MYH9: variants seen among roughly 807,000 people sequenced by gnomAD.
MYH9 encodes the protein myosin heavy chain 9.
In MYH9, 29 loss-of-function variants were observed where a neutral mutation model predicts 241.9. The observed-to-expected ratio is 0.12, with a 90% CI of 0.09 to 0.16. The LOEUF (loss-of-function observed/expected upper bound fraction) is 0.16, where lower values mean the gene tolerates loss of function less well. Ranked by LOEUF, MYH9 falls within the 10% of genes least tolerant of loss-of-function variation. The pLI is 1.00. For synonymous variants in MYH9, 1,047 were observed against 1,062.6 expected (o/e 0.99, Z 0.29); for missense variants, 1,803 against 2,595.5 (o/e 0.69, Z 6.63).
At chr22:36,356,580 CAAAAAA>C (rs34880972) in intron 1 of MYH9, among the ~76,000 whole-genome samples, 49 of 24,658 alleles carry the variant, frequency 2.0e-3, no homozygotes, top group African/African-American at 6.0e-3. Flanking sequence ...GACTCCATCT[CAAAAAA>C]AAAAAAAAAA....
chr22:36,319,413 G>T, intron 10 of MYH9, 127 bp downstream of exon 10: 2 of 908,050 alleles, frequency 2.2e-6, no homozygotes, highest in East Asian at 2.6e-5. Flanking sequence ...CATCTGTATA[G>T]AAAATACCGA....
At chr22:36,365,026 C>G (rs975917278) in intron 1 of MYH9, 2 of 130,740 alleles carry the variant, frequency 1.5e-5, no homozygotes, top group East Asian at 5.2e-4. Context: ...TGCATTGGAT[C>G]GGAGTATCGT....
rs8137674 is a variant in MYH9, at chr22:36,306,056, A to G, written c.2038-5T>C. 1.9e-3 allele frequency: 3,033 copies of G among 1,612,922 alleles called. 43 individuals carry two copies. The African/African-American group carries it at 0.027, about 14-fold the overall frequency. On this transcript the variant is annotated splice_polypyrimidine_tract_variant and splice_region_variant and intron_variant, in intron 16 of 40. Transcript: ENST00000216181. This position sits in a 1 kb window ranked among gnomAD's most constrained non-coding sequence, Gnocchi z 4.1. ...ATGCGGGTCCAGCTTGCCGGCCTGG[A>G]GAAGAAAACACATGCATGCGGTCTC...
chr22:36,301,483 G>T, intron 21 of MYH9, 51 bp downstream of exon 21: 1 of 1,608,622 alleles, frequency 6.2e-7, no homozygotes. Context: ...CCAGCAGGTG[G>T]CAGCACCAGG....
Position 36,306,317 on chromosome 22 carries a change from G to C in MYH9, c.2037+97C>G, listed in dbSNP as rs2016969308. On this transcript the variant is annotated intron_variant, in intron 16 of 40. Transcript: ENST00000216181. The surrounding 1 kb of genome is among the most constrained non-coding windows in gnomAD (Gnocchi z 4.1). ...AACGACTGAAGGCTCTGTGCATGCT[G>C]GGGGGCTGGAGGGGTGCTTTTGCTG... 1.3e-6 allele frequency: 2 copies of C among 1,486,940 alleles called. No homozygotes were observed. The highest frequency in any genetic ancestry group is 2.4e-5 in the East Asian group (1 of 42,398). The allele number at this position is 1,486,940 out of a possible 1,614,324, so 92.1% of individuals were successfully genotyped here.
chr22:36,351,535 C>A (rs569081510), intron 1 of MYH9, among the ~76,000 whole-genome samples: 24 of 152,140 alleles, frequency 1.6e-4, no homozygotes, highest in Non-Finnish European at 3.5e-4. Flanking sequence ...CCAGTCCATT[C>A]AAGCAAATCC....
intron 15 of MYH9, among the ~76,000 whole-genome samples, chr22:36,307,666 T>A (rs1250729406): frequency 6.6e-6 from 1 of 152,130 alleles, no homozygotes; most frequent in Non-Finnish European, 1.5e-5. Context: ...GGCGGGTGGA[T>A]CACCTGAAGT....
At chr22:36,365,616 G>A (rs1034813891) in intron 1 of MYH9, among the ~76,000 whole-genome samples, 29 of 151,930 alleles carry the variant, frequency 1.9e-4, no homozygotes, top group Admixed American at 9.8e-4. Flanking sequence ...ATGCACCACC[G>A]TACCCAGCTA....
chr22:36,287,021 C>A (rs1400922344), intron 34 of MYH9, 175 bp from the exon 35 acceptor site: 3 of 817,934 alleles, frequency 3.7e-6, no homozygotes, highest in Non-Finnish European at 2.0e-6. Flanking sequence ...TCTGTGTATC[C>A]CACCCCGTAA....
rs1170657395 is a variant in MYH9, at chr22:36,293,846, C to T, written c.3855G>A (p.Val1285=). The T allele has an allele frequency of 6.2e-7, 1 of 1,613,520 alleles. No homozygotes were observed. The highest frequency in any genetic ancestry group is 8.5e-7 in the Non-Finnish European group (1 of 1,179,854). Residue 1285 remains valine, a synonymous_variant, in exon 29 of 41, where the codon GTG becomes GTA. Coordinates refer to ENST00000216181, the MANE Select transcript of MYH9 (RefSeq NM_002473.6). This position sits in a 1 kb window ranked among gnomAD's most constrained non-coding sequence, Gnocchi z 5.1. ...VTKLQVELDN[V]TGLLSQSDSK... The stretch of plus-strand genomic sequence containing the variant: ...TGTCGGACTGGCTGAGAAGCCCGGT[C>T]ACGTTGTCCAGCTCCACCTGCACCG...
intron 7 of MYH9, among the ~76,000 whole-genome samples, chr22:36,321,412 C>G (rs536330869): frequency 6.6e-6 from 1 of 152,346 alleles, no homozygotes; most frequent in South Asian, 2.1e-4. Flanking sequence ...TTGTCTCATT[C>G]TTACAGGTAA....
At chr22:36,310,265 G>A (rs1288090914) in intron 14 of MYH9, among the ~76,000 whole-genome samples, 3 of 93,940 alleles carry the variant, frequency 3.2e-5, no homozygotes, top group Non-Finnish European at 5.5e-5. Context: ...ACAAGACTCC[G>A]TCTCAAAAAA....
chr22:36,307,788 T>TGAGGCAGGAGAATCACTTG (rs1374840692), intron 15 of MYH9, among the ~76,000 whole-genome samples: 3 of 151,422 alleles, frequency 2.0e-5, no homozygotes, highest in Non-Finnish European at 4.4e-5. Flanking sequence ...CTTGGGAGGC[T>TGAGGCAGGAGAATCACTTG]GAGGCAGGAG....
At position 36,325,399 on chromosome 22, in the gene MYH9, G is replaced by A. The variant is rs369847826; in HGVS notation, c.612+1169C>T. On this transcript the variant is annotated intron_variant, in intron 5 of 40. Transcript: ENST00000216181. ...TCCTTACTTACGAAGGCCGCACACG[G>A]CACGCCAGTAAGGTGGAGCCACCGG... is the stretch of plus-strand genomic sequence containing the variant. Among the ~76,000 whole-genome samples, 66 of 152,304 alleles carry A rather than the reference G, an allele frequency of 4.3e-4. 3 individuals are homozygous for A. The East Asian group carries it at 5.8e-3, about 13-fold the overall frequency.
At chr22:36,298,543 G>A (rs777235696) in intron 24 of MYH9, among the ~76,000 whole-genome samples, 14 of 152,200 alleles carry the variant, frequency 9.2e-5, no homozygotes, top group Non-Finnish European at 1.6e-4. Flanking sequence ...GCTGCAAGAT[G>A]AGCCAGCTAG....
rs1027535382 is a variant in MYH9 at position 36,295,013 on chromosome 22, G to A, written c.3549C>T (p.His1183=). The A allele has an allele frequency of 8.7e-6, 14 of 1,614,050 alleles. No homozygotes were observed. Among genetic ancestry groups the A allele is most frequent in the East Asian group, 4.5e-5 (2 of 44,882 alleles). Residue 1183 remains histidine (H), a synonymous_variant, in exon 27 of 41, where the codon CAC becomes CAT. Transcript: ENST00000216181. This position sits in a 1 kb window ranked among gnomAD's most constrained non-coding sequence, Gnocchi z 4.1. The part of the protein sequence containing the change: ...KKTLEEEAKT[H]EAQIQEMRQK... ...GCCTCATCTCCTGGATCTGGGCCTC[G>A]TGGGTCTTGGCCTCCTCCTCCAGGG...
At chr22:36,283,930 C>T (rs1402599070) in intron 40 of MYH9, among the ~76,000 whole-genome samples, 163 bp downstream of exon 40, 1 of 152,244 alleles carries the variant, frequency 6.6e-6, no homozygotes, top group Non-Finnish European at 1.5e-5. Context: ...GTTCAAAACA[C>T]TAAGCTAAAG....
chr22:36,351,425 G>A (rs146088206), intron 1 of MYH9, among the ~76,000 whole-genome samples: 6 of 152,246 alleles, frequency 3.9e-5, no homozygotes, highest in Non-Finnish European at 8.8e-5. Flanking sequence ...CTGCCTGGCC[G>A]CCCCTCGTCT....
Position 36,300,025 on chromosome 22 carries a change from C to G in MYH9, c.2976+102G>C. 6.6e-7 allele frequency: 1 copy of G among 1,518,862 alleles called. No homozygotes were observed. Among genetic ancestry groups the G allele is most frequent in the South Asian group, 1.1e-5 (1 of 89,206 alleles). 94.1% of individuals were successfully genotyped at this position (1,518,862 alleles called of 1,614,324 possible). ...GCCCTCATGCTGCAGGCAGAAGAGA[C>G]AGGAAGCAGCAGCAGCGGGGAGCCA... On this transcript the variant is annotated intron_variant, in intron 23 of 40. Transcript: ENST00000216181. This position sits in a 1 kb window ranked among gnomAD's most constrained non-coding sequence, Gnocchi z 5.0.
Sources: allele counts gnomAD v4.1 joint callset (sites outside exome capture counted in the v4.1 genomes callset), GRCh38; gene constraint gnomAD v4.1.1; non-coding constraint Gnocchi (gnomAD v3.1); transcripts MANE v1.5; gene names NCBI Gene and HGNC (gene_info 2026-07-23, HGNC 2026-07-21).